The following KIAA1328 variants were observed in gnomAD, a reference collection of about 807,000 sequenced individuals.
KIAA1328 encodes protein hinderin.
Under a neutral mutation model 68.1 loss-of-function variants are expected in KIAA1328, and 52 were observed. The observed-to-expected ratio is 0.76, with a 90% CI of 0.61 to 0.96. The LOEUF is 0.96. Ranked by LOEUF, KIAA1328 falls within the 40% of genes least tolerant of loss-of-function variation. The pLI, the probability that KIAA1328 is intolerant of heterozygous loss-of-function variation, is 0.00. For synonymous variants in KIAA1328, 232 were observed against 239.4 expected, an observed-to-expected ratio of 0.97 and a Z score of 0.28; for missense variants, 641 against 677.6, an observed-to-expected ratio of 0.95 and a Z score of 0.60.
intron 6 of KIAA1328, among the ~76,000 whole-genome samples, chr18:37,041,815 A>G (rs2055263027): frequency 6.6e-6 from 1 of 152,192 alleles, no homozygotes; most frequent in Admixed American, 6.5e-5. Flanking sequence ...CCAATAAAAT[A>G]TAAACTTTGT....
intron 5 of KIAA1328, among the ~76,000 whole-genome samples, chr18:36,907,400 A>G (rs2049263492): frequency 6.6e-6 from 1 of 152,094 alleles, no homozygotes; most frequent in Non-Finnish European, 1.5e-5. Context: ...CTCTCTTACC[A>G]TTAAGTATGA....
intron 6 of KIAA1328, among the ~76,000 whole-genome samples, chr18:36,994,881 A>T (rs765914912): frequency 6.6e-6 from 1 of 152,128 alleles, no homozygotes; most frequent in African/African-American, 2.4e-5. Context: ...CAGTTAGCCT[A>T]CTTGTGAATT....
At chr18:36,965,521 C>CTGG (rs76064797) in intron 6 of KIAA1328, among the ~76,000 whole-genome samples, 1 of 141,466 alleles carries the variant, frequency 7.1e-6, no homozygotes, top group African/African-American at 2.5e-5. Context: ...GGCGTGGTGG[C>CTGG]CACCACGCCT....
Position 37,160,257 on chromosome 18 carries a change from G to C in KIAA1328, c.1290G>C (p.Lys430Asn). The C allele has an allele frequency of 6.2e-7, 1 of 1,613,496 alleles. No homozygotes were observed. Among genetic ancestry groups the C allele is most frequent in the African/African-American group, 1.3e-5 (1 of 74,994 alleles). The change falls in exon 8 of 10, where the codon AAG becomes AAC. Residue 430 changes from lysine (K) to asparagine (N), a missense_variant. By Grantham distance (94) the Lys-to-Asn change is moderately conservative. Coordinates refer to ENST00000280020, the MANE Select transcript of KIAA1328 (RefSeq NM_020776.3). Reference sequence around the variant, plus strand: ...TTGGAACATCATCATCTATTAAAAAGCACCAAGACCCCCCAAACAGTGGAG... The same window carrying C: ...TTGGAACATCATCATCTATTAAAAACCACCAAGACCCCCCAAACAGTGGAG... ...WLLGTSSSIK[K>N]HQDPPNSGEN... is the part of the protein sequence containing the mutation.
chr18:36,967,739 C>A (rs2052001869), intron 6 of KIAA1328, among the ~76,000 whole-genome samples: 1 of 152,080 alleles, frequency 6.6e-6, no homozygotes, highest in South Asian at 2.1e-4. Flanking sequence ...AAGCTGGGAA[C>A]CCTGCACAGG....
chr18:37,049,446 T>A (rs2055605534), intron 6 of KIAA1328, among the ~76,000 whole-genome samples: 1 of 152,188 alleles, frequency 6.6e-6, no homozygotes, highest in South Asian at 2.1e-4. Flanking sequence ...TTCCCTTGTT[T>A]TTTTTACAGT....
chr18:36,853,299 A>T (rs1194296336), intron 4 of KIAA1328, among the ~76,000 whole-genome samples: 1 of 152,198 alleles, frequency 6.6e-6, no homozygotes, highest in African/African-American at 2.4e-5. Context: ...AGTATAACAC[A>T]TTTACATTTA....
At chr18:37,153,444 A>C (rs1459030550) in intron 7 of KIAA1328, among the ~76,000 whole-genome samples, 1 of 152,052 alleles carries the variant, frequency 6.6e-6, no homozygotes, top group Non-Finnish European at 1.5e-5. Context: ...GAAAGAGAAG[A>C]AGCTAAAATG....
intron 9 of KIAA1328, among the ~76,000 whole-genome samples, chr18:37,212,900 A>T (rs1267365051): frequency 2.0e-5 from 3 of 151,974 alleles, no homozygotes; most frequent in African/African-American, 7.2e-5. Flanking sequence ...GTATTTTTGT[A>T]GAGATGGGGT....
intron 7 of KIAA1328, among the ~76,000 whole-genome samples, chr18:37,109,935 G>T (rs2057882624): frequency 6.6e-6 from 1 of 151,822 alleles, no homozygotes; most frequent in Non-Finnish European, 1.5e-5. Context: ...TGCTTATTCT[G>T]CTCCAATCTG....
chr18:37,021,061 A>G (rs888943531), intron 6 of KIAA1328, among the ~76,000 whole-genome samples: 4 of 152,230 alleles, frequency 2.6e-5, no homozygotes, highest in Admixed American at 6.5e-5. Flanking sequence ...AATTATTTGT[A>G]TAGGACTCCC....
intron 6 of KIAA1328, among the ~76,000 whole-genome samples, chr18:37,055,214 T>C (rs1219980223): frequency 6.6e-6 from 1 of 152,184 alleles, no homozygotes; most frequent in African/African-American, 2.4e-5. Flanking sequence ...TGCATTGATA[T>C]CTATATGTTA....
At chr18:37,029,580 G>A (rs529077803) in intron 6 of KIAA1328, among the ~76,000 whole-genome samples, 1 of 152,182 alleles carries the variant, frequency 6.6e-6, no homozygotes, top group Non-Finnish European at 1.5e-5. Context: ...TGCCAGGTAC[G>A]TGTCAAGTTT....
At chr18:36,835,525 C>A in intron 3 of KIAA1328, 149 bp downstream of exon 3, 1 of 779,450 alleles carries the variant, frequency 1.3e-6, no homozygotes, top group Non-Finnish European at 2.0e-6. Flanking sequence ...TTGATGATGC[C>A]AGGTTTGAGC....
intron 6 of KIAA1328, among the ~76,000 whole-genome samples, chr18:37,023,101 G>A (rs367719528): frequency 1.9e-4 from 29 of 152,310 alleles, no homozygotes; most frequent in African/African-American, 7.0e-4. Flanking sequence ...CACAATCATG[G>A]CTCACTGTAG....
intron 9 of KIAA1328, among the ~76,000 whole-genome samples, chr18:37,175,377 C>G (rs900170819): frequency 6.6e-6 from 1 of 152,172 alleles, no homozygotes; most frequent in Non-Finnish European, 1.5e-5. Flanking sequence ...TAGAGTTTTA[C>G]AAGCCCAGGT....
intron 9 of KIAA1328, among the ~76,000 whole-genome samples, chr18:37,213,805 C>A (rs1224302694): frequency 6.6e-6 from 1 of 152,184 alleles, no homozygotes; most frequent in Non-Finnish European, 1.5e-5. Context: ...TCCTTTCCAG[C>A]ACCTGTTATT....
intron 6 of KIAA1328, among the ~76,000 whole-genome samples, chr18:37,011,812 G>A (rs886873173): frequency 6.6e-6 from 1 of 152,112 alleles, no homozygotes; most frequent in Non-Finnish European, 1.5e-5. Flanking sequence ...AGGAGAGGTT[G>A]ATTACACAGG....
chr18:37,091,093 T>C (rs1390289971), intron 7 of KIAA1328, among the ~76,000 whole-genome samples: 1 of 152,200 alleles, frequency 6.6e-6, no homozygotes, highest in Non-Finnish European at 1.5e-5. Context: ...ATAATAAGTA[T>C]ATAAAACCTT....
Sources: allele counts gnomAD v4.1 joint callset (sites outside exome capture counted in the v4.1 genomes callset), GRCh38; gene constraint gnomAD v4.1.1; transcripts MANE v1.5; gene names NCBI Gene and HGNC (gene_info 2026-07-23, HGNC 2026-07-21).